Variants in ARID4B observed in about 807,000 individuals in gnomAD.
ARID4B encodes AT-rich interactive domain-containing protein 4B.
A neutral mutation model predicts 147.5 loss-of-function variants in ARID4B; 26 were observed. The observed-to-expected ratio is 0.18, with a 90% CI of 0.13 to 0.24. The LOEUF is 0.24. Among genes scored for constraint, ARID4B ranks in the 10% least tolerant of loss-of-function variants. The pLI is 1.00. For synonymous variants in ARID4B, 512 were observed against 507.9 expected (o/e 1.01, Z -0.11); for missense variants, 1,179 against 1,511.5 (o/e 0.78, Z 3.65).
intron 8 of ARID4B, among the ~76,000 whole-genome samples, chr1:235,237,210 T>C (rs191189557): frequency 2.0e-5 from 3 of 152,144 alleles, no homozygotes; most frequent in East Asian, 1.9e-4. Flanking sequence ...CAAAGACTCC[T>C]AGTGCTTTAG....
chr1:235,275,320 T>TA (rs1671250428), intron 2 of ARID4B, among the ~76,000 whole-genome samples: 1 of 152,228 alleles, frequency 6.6e-6, no homozygotes, highest in Non-Finnish European at 1.5e-5. Context: ...GCTATGAAGT[T>TA]AAAGCTAGGT....
chr1:235,287,939 A>AT (rs1376840055), intron 2 of ARID4B, among the ~76,000 whole-genome samples: 3 of 152,148 alleles, frequency 2.0e-5, no homozygotes, highest in African/African-American at 7.2e-5. Context: ...AAAACAATGT[A>AT]TTTTTTCCAA....
chr1:235,241,017 T>C (rs1668947769), intron 7 of ARID4B, among the ~76,000 whole-genome samples: 1 of 152,022 alleles, frequency 6.6e-6, no homozygotes, highest in East Asian at 1.9e-4. Flanking sequence ...CTTTCAAAAT[T>C]AAAAGAAAAA....
chr1:235,322,889 G>C (rs1674942748), intron 2 of ARID4B, among the ~76,000 whole-genome samples: 1 of 152,080 alleles, frequency 6.6e-6, no homozygotes. Context: ...TAGGGGGAGA[G>C]AGAGAGAGAA....
chr1:235,266,651 G>C (rs905417816), intron 2 of ARID4B, among the ~76,000 whole-genome samples: 1 of 151,854 alleles, frequency 6.6e-6, no homozygotes, highest in African/African-American at 2.4e-5. Context: ...GCTATTAGTG[G>C]ATAATAATCC....
chr1:235,233,614 A>G (rs185900343), intron 9 of ARID4B, among the ~76,000 whole-genome samples: 1 of 152,256 alleles, frequency 6.6e-6, no homozygotes, highest in Admixed American at 6.5e-5. Context: ...TTAACAAATC[A>G]TTTTCTTAAC....
At chr1:235,247,274 G>A (rs1193859108) in intron 6 of ARID4B, among the ~76,000 whole-genome samples, 1 of 152,060 alleles carries the variant, frequency 6.6e-6, no homozygotes, top group Non-Finnish European at 1.5e-5. Context: ...ACTTCTTAAA[G>A]ATACAAACCA....
At chr1:235,179,525 CAAAAAAA>C (rs61143006) in intron 20 of ARID4B, among the ~76,000 whole-genome samples, 2 of 48,360 alleles carry the variant, frequency 4.1e-5, no homozygotes, top group Non-Finnish European at 9.0e-5. Context: ...CTCTATGTCT[CAAAAAAA>C]AAAAAAAAAA....
intron 2 of ARID4B, among the ~76,000 whole-genome samples, chr1:235,290,559 A>G (rs907803082): frequency 2.0e-5 from 3 of 152,226 alleles, no homozygotes; most frequent in African/African-American, 7.2e-5. Context: ...ACCTGTTTGT[A>G]AAAGCAAAAG....
intron 2 of ARID4B, among the ~76,000 whole-genome samples, chr1:235,320,628 T>A (rs1674754039): frequency 6.6e-6 from 1 of 152,160 alleles, no homozygotes; most frequent in Non-Finnish European, 1.5e-5. Flanking sequence ...CACATTCAGA[T>A]TTTACTCAAG....
chr1:235,169,781 C>A (rs1223920478), intron 23 of ARID4B, among the ~76,000 whole-genome samples: 1 of 152,004 alleles, frequency 6.6e-6, no homozygotes, highest in African/African-American at 2.4e-5. Flanking sequence ...CCTGTCTCAG[C>A]CTCCTGAGTA....
At chr1:235,324,316 A>G (rs1209368730) in intron 2 of ARID4B, among the ~76,000 whole-genome samples, 11 of 152,222 alleles carry the variant, frequency 7.2e-5, no homozygotes, top group Non-Finnish European at 1.5e-4. Context: ...TACGAATCAT[A>G]TTCCTCAAAA....
chr1:235,238,037 G>A (rs986331945), intron 8 of ARID4B, among the ~76,000 whole-genome samples: 34 of 151,662 alleles, frequency 2.2e-4, no homozygotes, highest in African/African-American at 7.7e-4. Context: ...CCAGCTACTC[G>A]GGAGGCTGAG....
chr1:235,323,009 T>C (rs1674954185), intron 2 of ARID4B, among the ~76,000 whole-genome samples: 1 of 151,690 alleles, frequency 6.6e-6, no homozygotes, highest in Non-Finnish European at 1.5e-5. Flanking sequence ...ATCTGGAAAA[T>C]TCAATCTACG....
intron 2 of ARID4B, among the ~76,000 whole-genome samples, chr1:235,297,838 T>C (rs1055370227): frequency 6.6e-6 from 1 of 152,188 alleles, no homozygotes; most frequent in Non-Finnish European, 1.5e-5. Flanking sequence ...TAACAGTTTC[T>C]TCATCAAATA....
At chr1:235,216,357 T>A (rs1030975931) in intron 16 of ARID4B, among the ~76,000 whole-genome samples, 4 of 149,602 alleles carry the variant, frequency 2.7e-5, no homozygotes, top group African/African-American at 9.8e-5. Context: ...ATATATATAC[T>A]TTTTTTTTGA....
At chr1:235,177,010 T>G (rs1409314375) in intron 21 of ARID4B, 2 of 459,666 alleles carry the variant, frequency 4.4e-6, no homozygotes, top group Non-Finnish European at 9.1e-6. Flanking sequence ...TTCTGTGGAT[T>G]GATGCACGGA....
In ARID4B at chr1:235,230,607, A is replaced by C. The variant is rs564975705; in HGVS notation, c.742+506T>G. ...CTGACTATAAGCTAAAAAAAAAAAA[A>C]AAAAAAAAACCAGAAAAAAAAAGGA... On this transcript the variant is annotated intron_variant, in intron 10 of 23. Coordinates refer to ENST00000264183, the MANE Select transcript of ARID4B (RefSeq NM_016374.6). Among the ~76,000 whole-genome samples, 334 of 131,612 alleles carry C rather than the reference A, an allele frequency of 2.5e-3. 1 individual carries two copies. Among genetic ancestry groups the C allele is most frequent in the Non-Finnish European group, 4.0e-3 (246 of 61,420 alleles). The allele number at this position is 131,612 out of a possible 152,430, so 86.3% of individuals were successfully genotyped here. A position where few individuals can be genotyped will look rare whatever the true frequency, so the allele number is the denominator to read the frequency against.
intron 19 of ARID4B, among the ~76,000 whole-genome samples, chr1:235,192,718 G>A (rs1378631423): frequency 6.6e-6 from 1 of 152,068 alleles, no homozygotes; most frequent in Non-Finnish European, 1.5e-5. Context: ...TTCCCTGCCA[G>A]TCAGATTTAA....
Sources: gnomAD v4.1 joint callset for allele counts (sites outside exome capture counted in the v4.1 genomes callset) on GRCh38, gnomAD v4.1.1 for gene constraint, MANE v1.5 for transcripts, NCBI Gene and HGNC (gene_info 2026-07-23, HGNC 2026-07-21) for gene names.